Variants in KSR2 observed in about 807,000 individuals in gnomAD.
KSR2 encodes the protein kinase suppressor of ras 2.
KSR2 carries 25 observed loss-of-function variants against 107.8 expected under a neutral mutation model. The observed-to-expected ratio is 0.23, with a 90% confidence interval of 0.17 to 0.32. The LOEUF is 0.32. Ranked by LOEUF, KSR2 falls within the 10% of genes least tolerant of loss-of-function variation. The pLI, the probability that KSR2 is intolerant of heterozygous loss-of-function variation, is 1.00. For missense variants in KSR2, 887 were observed against 1,268.9 expected, an observed-to-expected ratio of 0.70 and a Z score of 4.57; for synonymous variants, 480 against 507.0, an observed-to-expected ratio of 0.95 and a Z score of 0.71.
intron 3 of KSR2, among the ~76,000 whole-genome samples, chr12:117,766,400 G>C (rs1433991243): frequency 6.6e-6 from 1 of 152,218 alleles, no homozygotes; most frequent in East Asian, 1.9e-4. Context: ...GGCTGGCAGG[G>C]AATGGGGAGT....
intron 3 of KSR2, among the ~76,000 whole-genome samples, chr12:117,798,432 A>G (rs984221243): frequency 1.3e-5 from 2 of 152,228 alleles, no homozygotes; most frequent in African/African-American, 4.8e-5. Flanking sequence ...CAGGAGTTGG[A>G]GACCAGCCTG....
At chr12:117,947,264 A>AAGACAG (rs1896231276) in intron 1 of KSR2, among the ~76,000 whole-genome samples, 5 of 112,166 alleles carry the variant, frequency 4.5e-5, no homozygotes, top group African/African-American at 6.9e-5. Context: ...AAAGAAGATA[A>AAGACAG]ACCACATGAC....
At chr12:117,520,255 T>C (rs1041259359) in intron 14 of KSR2, among the ~76,000 whole-genome samples, 6 of 152,206 alleles carry the variant, frequency 3.9e-5, no homozygotes, top group African/African-American at 7.2e-5. Flanking sequence ...ACCTGTAAAA[T>C]AGGCACAAGG....
intron 4 of KSR2, among the ~76,000 whole-genome samples, chr12:117,759,329 G>C (rs1888912822): frequency 6.6e-6 from 1 of 152,130 alleles, no homozygotes; most frequent in Non-Finnish European, 1.5e-5. Flanking sequence ...CCTATTGTCT[G>C]TGCTGGTTTT....
intron 1 of KSR2, among the ~76,000 whole-genome samples, chr12:117,927,467 G>A (rs538499847): frequency 3.3e-5 from 5 of 152,094 alleles, no homozygotes; most frequent in South Asian, 2.1e-4. Flanking sequence ...CGAGGCAGGT[G>A]GATCATTTCA....
At chr12:117,959,372 C>T (rs1896599065) in intron 1 of KSR2, among the ~76,000 whole-genome samples, 1 of 152,126 alleles carries the variant, frequency 6.6e-6, no homozygotes. Flanking sequence ...GAATAATCTT[C>T]GATTCTTGAT....
intron 1 of KSR2, among the ~76,000 whole-genome samples, chr12:117,891,874 C>T (rs1371679605): frequency 6.6e-6 from 1 of 152,092 alleles, no homozygotes; most frequent in Non-Finnish European, 1.5e-5. Flanking sequence ...GTGGTGCACA[C>T]CTGTGGTCCC....
At chr12:117,564,397 C>A (rs1878324725) in intron 7 of KSR2, among the ~76,000 whole-genome samples, 1 of 152,232 alleles carries the variant, frequency 6.6e-6, no homozygotes, top group South Asian at 2.1e-4. Context: ...CTAAGTAGTA[C>A]CACATAGGCA....
At chr12:117,945,344 G>T (rs1330846693) in intron 1 of KSR2, among the ~76,000 whole-genome samples, 1 of 152,140 alleles carries the variant, frequency 6.6e-6, no homozygotes. Context: ...CATTTTAAGA[G>T]AATTGAAACC....
At chr12:117,723,986 T>C (rs9651900) in intron 4 of KSR2, among the ~76,000 whole-genome samples, 2,080 of 152,220 alleles carry the variant, frequency 0.014, 48 homozygotes, top group African/African-American at 0.048. Context: ...CTTTAAAACA[T>C]AATATGTTTT....
At chr12:117,570,394 A>C (rs974901109) in intron 7 of KSR2, among the ~76,000 whole-genome samples, 5 of 152,172 alleles carry the variant, frequency 3.3e-5, no homozygotes, top group Non-Finnish European at 7.3e-5. Context: ...CAACGACAGG[A>C]CAGCCCCCAC....
intron 1 of KSR2, among the ~76,000 whole-genome samples, chr12:117,878,472 G>A (rs1893933971): frequency 6.6e-6 from 1 of 152,184 alleles, no homozygotes; most frequent in Non-Finnish European, 1.5e-5. Context: ...AATAGATGAT[G>A]TTGTTAAAAA....
chr12:117,870,514 C>A (rs1005108226), intron 1 of KSR2, among the ~76,000 whole-genome samples: 5 of 151,960 alleles, frequency 3.3e-5, no homozygotes, highest in African/African-American at 4.8e-5. Flanking sequence ...ACAGGAGAAT[C>A]GCTTGGATTT....
In KSR2 at chr12:117,737,974, A is replaced by G. The variant is rs567772143; in HGVS notation, c.986+23037T>C. ...CCTCAGCTGCAACAGTTTGAGTCCCAAGGTGTGCAAGTCACTGCCCTCAAG... is the reference window on the plus strand; with the variant it reads ...CCTCAGCTGCAACAGTTTGAGTCCCGAGGTGTGCAAGTCACTGCCCTCAAG... On this transcript the variant is annotated intron_variant, in intron 4 of 19. Coordinates refer to ENST00000339824, the MANE Select transcript of KSR2 (RefSeq NM_173598.6). Among the ~76,000 whole-genome samples the G allele has an allele frequency of 2.6e-5, 4 of 152,258 alleles. No individual in the cohort carries two copies. In the South Asian group the frequency reaches 8.3e-4, roughly 32 times the overall value.
Position 117,464,115 on chromosome 12 carries a change from G to A in KSR2, c.*3084C>T, listed in dbSNP as rs1871037454. ...ACACAAGGGGCACGTCCTCCCACAGGGGGCCAAGAAGGAAGCTCCTTGGTT... is the reference window on the plus strand; with the variant it reads ...ACACAAGGGGCACGTCCTCCCACAGAGGGCCAAGAAGGAAGCTCCTTGGTT... On this transcript the variant is annotated 3_prime_UTR_variant, in exon 20 of 20. Transcript: ENST00000339824. 1 of 152,212 alleles carries A rather than the reference G, an allele frequency of 6.6e-6. No individual in the cohort carries two copies. Among genetic ancestry groups the A allele is most frequent in the Non-Finnish European group, 1.5e-5 (1 of 68,042 alleles). 9.4% of individuals were successfully genotyped at this position (152,212 alleles called of 1,614,324 possible).
At chr12:117,564,467 A>G (rs374413984) in intron 7 of KSR2, among the ~76,000 whole-genome samples, 1 of 152,146 alleles carries the variant, frequency 6.6e-6, no homozygotes, top group Non-Finnish European at 1.5e-5. Context: ...CACACAGAAA[A>G]AGCCTGCAAA....
At chr12:117,623,459 A>G (rs1465404802) in intron 5 of KSR2, among the ~76,000 whole-genome samples, 2 of 152,050 alleles carry the variant, frequency 1.3e-5, no homozygotes, top group Non-Finnish European at 2.9e-5. Context: ...GGTCCTGCCT[A>G]TGAGTGAGAA....
chr12:117,803,479 G>C (rs1890905272), intron 3 of KSR2, among the ~76,000 whole-genome samples: 1 of 152,120 alleles, frequency 6.6e-6, no homozygotes, highest in Non-Finnish European at 1.5e-5. Flanking sequence ...GAGGCGGGCG[G>C]ATCACGAGGT....
intron 1 of KSR2, among the ~76,000 whole-genome samples, chr12:117,955,159 T>A (rs976337553): frequency 1.3e-5 from 2 of 152,092 alleles, no homozygotes; most frequent in Non-Finnish European, 2.9e-5. Context: ...TCTCACTCTG[T>A]TGCCCAGGAT....
Sources: gnomAD v4.1 joint callset for allele counts (sites outside exome capture counted in the v4.1 genomes callset) on GRCh38, gnomAD v4.1.1 for gene constraint, MANE v1.5 for transcripts, NCBI Gene and HGNC (gene_info 2026-07-23, HGNC 2026-07-21) for gene names.